Variants in SRPK1 observed in about 807,000 individuals in gnomAD.
The protein encoded by SRPK1 is SRSF protein kinase 1.
Under a neutral mutation model 89.5 loss-of-function variants are expected in SRPK1, and 52 were observed. The observed-to-expected ratio is 0.58, with a 90% CI of 0.46 to 0.73. SRPK1 has a LOEUF of 0.73. Ranked by LOEUF, SRPK1 falls within the 30% of genes least tolerant of loss-of-function variation. The pLI is 0.00. For synonymous variants in SRPK1, 255 were observed against 270.2 expected (o/e 0.94, Z 0.55); for missense variants, 603 against 780.6 (o/e 0.77, Z 2.71).
chr6:35,893,050 T>C (rs1483698312), intron 2 of SRPK1, among the ~76,000 whole-genome samples: 2 of 152,170 alleles, frequency 1.3e-5, no homozygotes, highest in African/African-American at 4.8e-5. Flanking sequence ...ACTGAAAACA[T>C]GTCTTTGGGA....
At chr6:35,913,992 T>TTTTTTTTGTTTG (rs1771035628) in intron 2 of SRPK1, among the ~76,000 whole-genome samples, 1 of 138,822 alleles carries the variant, frequency 7.2e-6, no homozygotes. Flanking sequence ...TTTTTTTTTT[T>TTTTTTTTGTTTG]GAGATGGAGT....
rs2127249198 is a variant in SRPK1, at chr6:35,874,310, G to A, written c.508C>T (p.His170Tyr). 1.2e-6 allele frequency: 2 copies of A among 1,613,128 alleles called. No homozygotes were observed. The highest frequency in any genetic ancestry group is 1.6e-4 in the Middle Eastern group (1 of 6,062). ...HICMVFEVLG[H>Y]HLLKWIIKSN... Reference sequence around the variant, plus strand: ...TTGATGATCCACTTGAGCAGATGATGCCCCAAAACTTCAAATACCATGCAG... The same window carrying A: ...TTGATGATCCACTTGAGCAGATGATACCCCAAAACTTCAAATACCATGCAG... The change falls in exon 7 of 16, where the codon CAT becomes TAT. Residue 170 changes from histidine (H) to tyrosine (Y), a missense_variant. Physicochemically the swap from His to Tyr is moderately conservative, Grantham distance 83. Transcript: ENST00000373825.
chr6:35,878,144 A>C lies in SRPK1; in HGVS notation c.479-3805T>G, dbSNP rs113688170. 9.7e-3 allele frequency among the ~76,000 whole-genome samples: 1,475 copies of C among 152,304 alleles called. 19 individuals are homozygous for C. The highest frequency in any genetic ancestry group is 0.033 in the African/African-American group (1,354 of 41,550). ...TTTTGCAATGAATCAACAAATCATA[A>C]AGGTAAAGATTCACCCAGTAGCAAA... On this transcript the variant is annotated intron_variant, in intron 6 of 15. Transcript: ENST00000373825.
chr6:35,870,525 T>C, intron 9 of SRPK1, 31 bp from the exon 10 acceptor site: 1 of 1,527,706 alleles, frequency 6.5e-7, no homozygotes, highest in Non-Finnish European at 8.8e-7. Context: ...GATAAAGCCT[T>C]CAGGTGGCTA....
At chr6:35,841,711 A>G (rs930090456) in intron 14 of SRPK1, among the ~76,000 whole-genome samples, 1 of 151,950 alleles carries the variant, frequency 6.6e-6, no homozygotes, top group African/African-American at 2.4e-5. Context: ...ACAAGCCCGT[A>G]GTCCCAGCTA....
intron 2 of SRPK1, among the ~76,000 whole-genome samples, chr6:35,895,989 C>T (rs775144471): frequency 2.6e-5 from 4 of 152,308 alleles, no homozygotes; most frequent in Middle Eastern, 3.4e-3. Flanking sequence ...AGGCCCTATG[C>T]ATCTATTCAT....
At chr6:35,869,183 C>A in intron 11 of SRPK1, 73 bp from the exon 12 acceptor site, 1 of 1,297,774 alleles carries the variant, frequency 7.7e-7, no homozygotes, top group African/African-American at 1.5e-5. Flanking sequence ...TAAAGCTCTC[C>A]AAGGTAAGAG....
At chr6:35,883,872 C>T (rs1260613885) in intron 6 of SRPK1, among the ~76,000 whole-genome samples, 1 of 151,830 alleles carries the variant, frequency 6.6e-6, no homozygotes, top group African/African-American at 2.4e-5. Context: ...GTAGCTGGGA[C>T]TACAGGCGCC....
chr6:35,857,846 G>A (rs1002889038), intron 12 of SRPK1, among the ~76,000 whole-genome samples: 3 of 152,126 alleles, frequency 2.0e-5, no homozygotes, highest in Non-Finnish European at 2.9e-5. Context: ...GGATGTTGAT[G>A]TTCTACCTAG....
chr6:35,891,127 A>G (rs1770509776), intron 2 of SRPK1, 114 bp from the exon 3 acceptor site: 3 of 1,240,286 alleles, frequency 2.4e-6, no homozygotes, highest in Non-Finnish European at 3.1e-6. Flanking sequence ...ACAGAGTATT[A>G]CCAAGTGGCA....
intron 13 of SRPK1, among the ~76,000 whole-genome samples, chr6:35,856,058 C>T (rs183495702): frequency 1.6e-4 from 24 of 152,264 alleles, no homozygotes; most frequent in Admixed American, 1.3e-3. Flanking sequence ...GTTGGACATA[C>T]GGGAAAGACC....
At chr6:35,915,761 A>T (rs956282716) in intron 2 of SRPK1, among the ~76,000 whole-genome samples, 1 of 152,018 alleles carries the variant, frequency 6.6e-6, no homozygotes, top group African/African-American at 2.4e-5. Context: ...TCATGAGGTC[A>T]GGAGATGGAG....
chr6:35,887,666 A>C (rs1770438148), intron 5 of SRPK1, among the ~76,000 whole-genome samples: 1 of 152,210 alleles, frequency 6.6e-6, no homozygotes, highest in Non-Finnish European at 1.5e-5. Context: ...AAAACAACAA[A>C]AAAGATGCTA....
intron 13 of SRPK1, among the ~76,000 whole-genome samples, chr6:35,854,264 T>G: frequency 6.6e-6 from 1 of 152,080 alleles, no homozygotes. Flanking sequence ...CTTTTCCCTT[T>G]TTATAACTGC....
At chr6:35,862,462 T>A (rs1476891727) in intron 12 of SRPK1, among the ~76,000 whole-genome samples, 2 of 151,798 alleles carry the variant, frequency 1.3e-5, no homozygotes, top group African/African-American at 4.8e-5. Context: ...GTACCCAAAA[T>A]CAAAATCAAA....
At chr6:35,848,892 A>T (rs1769479109) in intron 13 of SRPK1, among the ~76,000 whole-genome samples, 1 of 152,222 alleles carries the variant, frequency 6.6e-6, no homozygotes, top group South Asian at 2.1e-4. Flanking sequence ...AAAAACTACC[A>T]GAAGAAACAG....
chr6:35,840,979 C>A (rs764029385), intron 14 of SRPK1, among the ~76,000 whole-genome samples: 3 of 152,094 alleles, frequency 2.0e-5, no homozygotes, highest in Non-Finnish European at 4.4e-5. Flanking sequence ...TAAGGTAACA[C>A]CCGATATAAT....
chr6:35,894,559 T>C (rs996221102), intron 2 of SRPK1, among the ~76,000 whole-genome samples: 9 of 152,118 alleles, frequency 5.9e-5, no homozygotes, highest in Non-Finnish European at 1.2e-4. Context: ...TTTCTGGAGA[T>C]TGAACGGAAG....
At chr6:35,884,123 A>G (rs1770354624) in intron 6 of SRPK1, among the ~76,000 whole-genome samples, 1 of 152,194 alleles carries the variant, frequency 6.6e-6, no homozygotes, top group Admixed American at 6.5e-5. Flanking sequence ...GTTATTGAGT[A>G]AGCACATTTA....
Sources: gnomAD v4.1 joint callset for allele counts (sites outside exome capture counted in the v4.1 genomes callset) on GRCh38, gnomAD v4.1.1 for gene constraint, MANE v1.5 for transcripts, NCBI Gene and HGNC (gene_info 2026-07-23, HGNC 2026-07-21) for gene names.